Variants in LRP1B observed in about 807,000 individuals in gnomAD.
The protein encoded by LRP1B is low-density lipoprotein receptor-related protein 1B.
LRP1B carries 217 observed loss-of-function variants against 556.6 expected under a neutral mutation model. The observed-to-expected ratio is 0.39, with a 90% CI of 0.35 to 0.44. LRP1B has a LOEUF of 0.44. Among genes scored for constraint, LRP1B ranks in the 20% least tolerant of loss-of-function variants. The probability of loss-of-function intolerance (pLI) is 1.00; values close to 1 mark genes in which losing one functional copy is unlikely to be tolerated. For missense variants in LRP1B, 5,053 were observed against 5,620.8 expected (o/e 0.90, Z 3.23); for synonymous variants, 2,047 against 1,865.8 (o/e 1.10, Z -2.50).
At chr2:141,974,716 A>G (rs75867672) in intron 1 of LRP1B, among the ~76,000 whole-genome samples, 4,896 of 152,228 alleles carry the variant, frequency 0.032, 255 homozygotes, top group African/African-American at 0.11. Flanking sequence ...AATCTGAATC[A>G]ATATGAATAA....
intron 1 of LRP1B, among the ~76,000 whole-genome samples, chr2:141,914,690 G>A (rs756660973): frequency 1.3e-5 from 2 of 152,044 alleles, no homozygotes; most frequent in Non-Finnish European, 2.9e-5. Flanking sequence ...AAAATCAGCA[G>A]CATTTCTATA....
chr2:140,580,009 C>A (rs921550208), intron 43 of LRP1B, among the ~76,000 whole-genome samples: 8 of 152,010 alleles, frequency 5.3e-5, no homozygotes, highest in African/African-American at 1.7e-4. Context: ...TATTTCTGTC[C>A]ATGTGAACTA....
intron 5 of LRP1B, among the ~76,000 whole-genome samples, chr2:141,230,272 T>C (rs1683410101): frequency 6.6e-6 from 1 of 152,200 alleles, no homozygotes; most frequent in Admixed American, 6.6e-5. Context: ...TTCATCTGTA[T>C]CTAATGCATC....
chr2:140,657,580 T>TAC (rs1684927138), intron 41 of LRP1B, among the ~76,000 whole-genome samples: 2 of 45,320 alleles, frequency 4.4e-5, no homozygotes, highest in Non-Finnish European at 1.8e-4. Flanking sequence ...TACATACATA[T>TAC]ATATACATAC....
chr2:140,813,368 G>T (rs3828265), intron 32 of LRP1B, among the ~76,000 whole-genome samples: 68,880 of 151,928 alleles, frequency 0.45, 16,772 homozygotes, highest in East Asian at 0.57. Context: ...TAGAGGACTG[G>T]AGTAGAACAC....
At chr2:140,831,225 CAAAT>C (rs1360081327) in intron 31 of LRP1B, among the ~76,000 whole-genome samples, 5 of 151,764 alleles carry the variant, frequency 3.3e-5, no homozygotes, top group Admixed American at 2.0e-4. Flanking sequence ...CAATCCTAAG[CAAAT>C]AAATAAATAA....
intron 1 of LRP1B, among the ~76,000 whole-genome samples, chr2:141,867,491 C>T (rs1698449576): frequency 6.6e-6 from 1 of 152,040 alleles, no homozygotes; most frequent in Non-Finnish European, 1.5e-5. Context: ...CTTTCAGAAG[C>T]ACTCTTTGAG....
intron 23 of LRP1B, among the ~76,000 whole-genome samples, chr2:140,897,189 T>A (rs1241829599): frequency 2.0e-5 from 3 of 152,170 alleles, no homozygotes; most frequent in Non-Finnish European, 4.4e-5. Context: ...AATATAGCAA[T>A]CTTAACAGTG....
At chr2:141,023,947 TTAAA>T (rs989020418) in intron 11 of LRP1B, among the ~76,000 whole-genome samples, 12 of 152,116 alleles carry the variant, frequency 7.9e-5, no homozygotes, top group African/African-American at 2.9e-4. Context: ...GTAAAGTGCT[TTAAA>T]TAATTAAGTC....
At chr2:140,956,625 C>T (rs1695880891) in intron 18 of LRP1B, among the ~76,000 whole-genome samples, 1 of 151,630 alleles carries the variant, frequency 6.6e-6, no homozygotes, top group Non-Finnish European at 1.5e-5. Flanking sequence ...TCAAATGATC[C>T]AATAGAGTAA....
intron 1 of LRP1B, among the ~76,000 whole-genome samples, chr2:142,004,065 A>G (rs766125509): frequency 1.2e-4 from 19 of 152,218 alleles, no homozygotes; most frequent in Admixed American, 6.5e-5. Context: ...ATTATGTTCC[A>G]AGGTCCTATG....
chr2:140,954,993 C>A (rs1573918441), intron 18 of LRP1B, among the ~76,000 whole-genome samples: 1 of 152,010 alleles, frequency 6.6e-6, no homozygotes, highest in South Asian at 2.1e-4. Context: ...CTGTTTCATT[C>A]TCAAAGTACT....
chr2:141,099,865 A>C (rs904768327), intron 7 of LRP1B, among the ~76,000 whole-genome samples: 2 of 152,128 alleles, frequency 1.3e-5, no homozygotes, highest in African/African-American at 4.8e-5. Flanking sequence ...ATAGTTTTTA[A>C]TAGTATTAGT....
In LRP1B at chr2:140,501,769, C is replaced by T. The variant is rs77813209; in HGVS notation, c.8768G>A (p.Arg2923Lys). Residue 2923 changes from arginine (R) to lysine (K), a missense_variant, in exon 55 of 91, where the codon AGA becomes AAA. Transcript: ENST00000389484. Reference sequence around the variant, plus strand: ...CAAACATTCATTTATATGGCAGTTTCTCTCATCTGAACCATCGCCACAGTC... The same window carrying T: ...CAAACATTCATTTATATGGCAGTTTTTCTCATCTGAACCATCGCCACAGTC... ...KDDCGDGSDE[R>K]NCHINECLSK... 10 of 1,612,858 alleles carry T rather than the reference C, an allele frequency of 6.2e-6. No individual in the cohort carries two copies. The East Asian group carries it at 8.9e-5, about 14-fold the overall frequency.
intron 17 of LRP1B, among the ~76,000 whole-genome samples, chr2:140,984,573 G>T (rs773239402): frequency 2.6e-5 from 4 of 152,016 alleles, no homozygotes; most frequent in Non-Finnish European, 5.9e-5. Flanking sequence ...GTTTCATTAG[G>T]AAAGCTATGG....
chr2:142,056,507 G>T (rs1704677298), intron 1 of LRP1B, among the ~76,000 whole-genome samples: 1 of 152,040 alleles, frequency 6.6e-6, no homozygotes, highest in Non-Finnish European at 1.5e-5. Flanking sequence ...ATTAGGAAGG[G>T]GTGGGCCAGC....
In LRP1B at chr2:141,599,030, T is replaced by C. The variant is rs544780151; in HGVS notation, c.206-118497A>G. Among the ~76,000 whole-genome samples the C allele has an allele frequency of 1.7e-3, 247 of 144,168 alleles. 1 individual carries two copies. The highest frequency in any genetic ancestry group is 3.6e-3 in the Middle Eastern group (1 of 274). The allele number at this position is 144,168 out of a possible 152,430, so 94.6% of individuals were successfully genotyped here. On this transcript the variant is annotated intron_variant, in intron 2 of 90. Transcript: ENST00000389484. Reference sequence around the variant, plus strand: ...AAAAATTGAAAAAAATTGACTTGCTTTTATTTTGTTCAACTCCCCCCCGCC... The same window carrying C: ...AAAAATTGAAAAAAATTGACTTGCTCTTATTTTGTTCAACTCCCCCCCGCC...
chr2:140,717,130 G>A (rs553962017), intron 35 of LRP1B, among the ~76,000 whole-genome samples: 2 of 152,046 alleles, frequency 1.3e-5, no homozygotes, highest in Admixed American at 6.6e-5. Flanking sequence ...TATCCTGCAT[G>A]AATTTGCAGC....
intron 65 of LRP1B, 138 bp downstream of exon 65, chr2:140,444,192 C>T: frequency 1.2e-6 from 1 of 858,704 alleles, no homozygotes; most frequent in Non-Finnish European, 1.7e-6. Flanking sequence ...TCCCAGTTGG[C>T]ATCTATTTCT....
Sources: gnomAD v4.1 joint callset for allele counts (sites outside exome capture counted in the v4.1 genomes callset) on GRCh38, gnomAD v4.1.1 for gene constraint, MANE v1.5 for transcripts, NCBI Gene and HGNC (gene_info 2026-07-23, HGNC 2026-07-21) for gene names.